Variants in PDCD1LG2 observed in about 807,000 individuals in gnomAD.
PDCD1LG2 encodes B7 dendritic cell molecule.
PDCD1LG2 carries 32 observed loss-of-function variants against 28.2 expected under a neutral mutation model. That is an observed-to-expected ratio of 1.13 (90% CI 0.86 to 1.52). The LOEUF is 1.52. PDCD1LG2 is among the 40% of genes most tolerant of loss of function. The pLI is 0.00. For synonymous variants in PDCD1LG2, 116 were observed against 120.2 expected (o/e 0.97, Z 0.23); for missense variants, 385 against 323.8 (o/e 1.19, Z -1.45).
rs568670343 is a variant in PDCD1LG2 at position 5,525,351 on chromosome 9, A to G, written c.55+2750A>G. On this transcript the variant is annotated intron_variant, in intron 2 of 6. Transcript: ENST00000397747. ...CAGAGTGAGATTCCATTTAAAAAAA[A>G]AAAAAAAGAAAAAAAAACACTTATG... Among the ~76,000 whole-genome samples the G allele has an allele frequency of 5.3e-5, 8 of 151,834 alleles. No homozygotes were observed. The East Asian group carries it at 7.7e-4, about 15-fold the overall frequency.
rs112508899 is a variant in PDCD1LG2, at chr9:5,528,818, C to A, written c.56-5927C>A. Among the ~76,000 whole-genome samples the A allele has an allele frequency of 1.6e-3, 242 of 152,326 alleles. 1 individual carries two copies. The highest frequency in any genetic ancestry group is 5.6e-3 in the African/African-American group (232 of 41,572). On this transcript the variant is annotated intron_variant, in intron 2 of 6. Transcript: ENST00000397747. ...TGTCGTGGCTCACTACAGCCTCTGCCTCCCAAGTTTAAGCGATTCTCCAGC... is the reference window on the plus strand; with the variant it reads ...TGTCGTGGCTCACTACAGCCTCTGCATCCCAAGTTTAAGCGATTCTCCAGC...
At position 5,549,468 on chromosome 9, in the gene PDCD1LG2, C is replaced by G. The variant is rs2129876065; in HGVS notation, c.495C>G (p.Ser165Arg). ...WPNVSVPANT[S>R]HSRTPEGLYQ... ...ACGTCAGCGTTCCTGCCAACACCAG[C>G]CACTCCAGGACCCCTGAAGGCCTCT... is the stretch of plus-strand genomic sequence containing the variant. Residue 165 changes from serine to arginine, a missense_variant, in exon 4 of 7, where the codon AGC (serine) becomes AGG (arginine). Coordinates refer to ENST00000397747, the MANE Select transcript of PDCD1LG2 (RefSeq NM_025239.4). 6.2e-7 allele frequency: 1 copy of G among 1,614,186 alleles called. No homozygotes were observed. The highest frequency in any genetic ancestry group is 8.5e-7 in the Non-Finnish European group (1 of 1,180,040).
intron 3 of PDCD1LG2, among the ~76,000 whole-genome samples, chr9:5,547,612 A>T (rs1011153250): frequency 4.6e-5 from 7 of 152,136 alleles, no homozygotes; most frequent in African/African-American, 1.4e-4. Flanking sequence ...GGGGTACAAT[A>T]TGATGTTTTG....
chr9:5,549,774 G>T (rs1472011952), intron 4 of PDCD1LG2, among the ~76,000 whole-genome samples, 170 bp downstream of exon 4: 1 of 152,216 alleles, frequency 6.6e-6, no homozygotes, highest in Middle Eastern at 3.2e-3. Flanking sequence ...TTCAATGTTG[G>T]GAGGGCAATT....
At position 5,570,846 on chromosome 9, in the gene PDCD1LG2, C is replaced by T. The variant is rs1816756516; in HGVS notation, c.*887C>T. 8.6e-6 allele frequency: 2 copies of T among 232,718 alleles called. No individual in the cohort carries two copies. The highest frequency in any genetic ancestry group is 5.6e-5 in the Admixed American group (1 of 17,766). The allele number at this position is 232,718 out of a possible 1,614,324, so 14.4% of individuals were successfully genotyped here. ...GCCCTCAATATGACTTTAAATTTGA[C>T]TTTTCAGTGCCTCAGTTTGCACATC... On this transcript the variant is annotated 3_prime_UTR_variant, in exon 7 of 7. Transcript: ENST00000397747.
intron 2 of PDCD1LG2, among the ~76,000 whole-genome samples, chr9:5,523,505 C>A (rs901765528): frequency 2.0e-5 from 3 of 152,200 alleles, no homozygotes; most frequent in African/African-American, 7.2e-5. Context: ...ACATTCCTCT[C>A]ACTCACTTGA....
At position 5,570,255 on chromosome 9, in the gene PDCD1LG2, T is replaced by G. The variant is rs2129977030; in HGVS notation, c.*296T>G. On this transcript the variant is annotated 3_prime_UTR_variant, in exon 7 of 7. Transcript: ENST00000397747. ...CCACAGAATTCCTTCAGGATCCTTC[T>G]TGCTGCCAGACTGAAAGCAAAAGGA... 1 of 358,148 alleles carries G rather than the reference T, an allele frequency of 2.8e-6. No homozygotes were observed. The highest frequency in any genetic ancestry group is 1.2e-4 in the South Asian group (1 of 8,158). 22.2% of individuals were successfully genotyped at this position (358,148 alleles called of 1,614,324 possible).
chr9:5,532,869 T>C (rs559784818), intron 2 of PDCD1LG2, among the ~76,000 whole-genome samples: 1 of 152,218 alleles, frequency 6.6e-6, no homozygotes, highest in African/African-American at 2.4e-5. Flanking sequence ...GCACTTCACA[T>C]GTAACACCTC....
intron 3 of PDCD1LG2, among the ~76,000 whole-genome samples, chr9:5,542,880 C>T (rs1182692613): frequency 3.9e-5 from 6 of 152,236 alleles, no homozygotes; most frequent in Middle Eastern, 3.4e-3. Flanking sequence ...TACTTGCACA[C>T]GCATTTTTAT....
At chr9:5,519,379 G>C (rs1246664989) in intron 1 of PDCD1LG2, among the ~76,000 whole-genome samples, 1 of 152,168 alleles carries the variant, frequency 6.6e-6, no homozygotes, top group South Asian at 2.1e-4. Context: ...TTAGAGGTTA[G>C]AATTGGCTAA....
intron 6 of PDCD1LG2, among the ~76,000 whole-genome samples, chr9:5,566,572 C>G (rs939955619): frequency 2.6e-5 from 4 of 152,174 alleles, no homozygotes; most frequent in Non-Finnish European, 4.4e-5. Flanking sequence ...GTAGTAATTG[C>G]TCCATCAGTC....
intron 2 of PDCD1LG2, among the ~76,000 whole-genome samples, chr9:5,526,200 AT>A (rs1169723382): frequency 4.6e-5 from 7 of 152,196 alleles, no homozygotes; most frequent in Non-Finnish European, 5.9e-5. Context: ...AATTAAATAT[AT>A]TTTGAAAATT....
At chr9:5,542,769 G>A (rs1042156210) in intron 3 of PDCD1LG2, among the ~76,000 whole-genome samples, 1 of 152,138 alleles carries the variant, frequency 6.6e-6, no homozygotes, top group African/African-American at 2.4e-5. Flanking sequence ...AAACAGTGTG[G>A]AGATTCCTTT....
chr9:5,519,201 AG>A (rs149586934), intron 1 of PDCD1LG2, among the ~76,000 whole-genome samples: 3,125 of 152,314 alleles, frequency 0.021, 69 homozygotes, highest in East Asian at 0.092. Context: ...TCTGGGGCAT[AG>A]GGGCTGTCCC....
chr9:5,557,578 T>G (rs1036926376), intron 4 of PDCD1LG2, 40 bp from the exon 5 acceptor site: 4 of 1,611,814 alleles, frequency 2.5e-6, no homozygotes, highest in Non-Finnish European at 2.5e-6. Flanking sequence ...TACCTCTTAG[T>G]TGCCATGTAA....
chr9:5,552,747 A>G (rs1373928413), intron 4 of PDCD1LG2, among the ~76,000 whole-genome samples: 1 of 152,098 alleles, frequency 6.6e-6, no homozygotes, highest in Admixed American at 6.6e-5. Context: ...CTTTCCTGGT[A>G]TTTTCTTCTG....
Position 5,540,202 on chromosome 9 carries a change from C to T in PDCD1LG2, c.361+5152C>T, listed in dbSNP as rs115572369. Among the ~76,000 whole-genome samples, 385 of 152,268 alleles carry T rather than the reference C, an allele frequency of 2.5e-3. 1 individual carries two copies. The highest frequency in any genetic ancestry group is 9.0e-3 in the African/African-American group (374 of 41,544). On this transcript the variant is annotated intron_variant, in intron 3 of 6. Coordinates refer to ENST00000397747, the MANE Select transcript of PDCD1LG2 (RefSeq NM_025239.4). ...TTTGAACTGAACGATAATAGTGACA[C>T]AACCTATCAAAACTCTGGGATACAG...
chr9:5,552,372 T>C (rs2129894364), intron 4 of PDCD1LG2, among the ~76,000 whole-genome samples: 1 of 152,266 alleles, frequency 6.6e-6, no homozygotes, highest in African/African-American at 2.4e-5. Flanking sequence ...GAGTATCCCC[T>C]GCTAGAATTC....
intron 3 of PDCD1LG2, among the ~76,000 whole-genome samples, chr9:5,541,617 C>T (rs969851605): frequency 6.6e-6 from 1 of 152,056 alleles, no homozygotes; most frequent in African/African-American, 2.4e-5. Context: ...TAACGAAGGA[C>T]ATGAAAGACC....
Sources: allele counts gnomAD v4.1 joint callset (sites outside exome capture counted in the v4.1 genomes callset), GRCh38; gene constraint gnomAD v4.1.1; transcripts MANE v1.5; gene names NCBI Gene and HGNC (gene_info 2026-07-23, HGNC 2026-07-21).